The following CTNND2 variants were observed in gnomAD, a reference collection of about 807,000 sequenced individuals.
CTNND2 encodes catenin delta-2.
CTNND2 carries 22 observed loss-of-function variants against 144.4 expected under a neutral mutation model. The observed-to-expected ratio is 0.15, with a 90% CI of 0.11 to 0.22. CTNND2 has a LOEUF of 0.22. Among genes scored for constraint, CTNND2 ranks in the 10% least tolerant of loss-of-function variants. The pLI, the probability that CTNND2 is intolerant of heterozygous loss-of-function variation, is 1.00. For missense variants in CTNND2, 1,353 were observed against 1,618.8 expected (o/e 0.84, Z 2.82); for synonymous variants, 751 against 695.6 (o/e 1.08, Z -1.25).
intron 9 of CTNND2, among the ~76,000 whole-genome samples, chr5:11,284,152 C>A (rs934886225): frequency 6.6e-6 from 1 of 152,216 alleles, no homozygotes. Context: ...GTGAATTCTT[C>A]AGCCACATGG....
chr5:10,982,688 A>G (rs1226681276), intron 20 of CTNND2, among the ~76,000 whole-genome samples: 1 of 152,256 alleles, frequency 6.6e-6, no homozygotes, highest in African/African-American at 2.4e-5. Context: ...ATCAAAAGAT[A>G]TCTGCATTCC....
At chr5:10,974,249 T>C (rs1047627807) in intron 21 of CTNND2, among the ~76,000 whole-genome samples, 6 of 152,248 alleles carry the variant, frequency 3.9e-5, no homozygotes, top group Non-Finnish European at 8.8e-5. Flanking sequence ...ATCCATGGTG[T>C]TGCACATGGC....
At chr5:11,624,840 C>T (rs550419037) in intron 2 of CTNND2, among the ~76,000 whole-genome samples, 68 of 152,132 alleles carry the variant, frequency 4.5e-4, no homozygotes, top group African/African-American at 1.4e-3. Flanking sequence ...TAAAACTGTA[C>T]CTACCTATAC....
At chr5:11,508,459 C>T (rs562767338) in intron 3 of CTNND2, 8 of 152,130 alleles carry the variant, frequency 5.3e-5, no homozygotes, top group South Asian at 2.1e-4. Context: ...ATAATGCAAA[C>T]GAGAAAATTC....
intron 11 of CTNND2, among the ~76,000 whole-genome samples, chr5:11,164,122 TC>T (rs1376207843): frequency 6.6e-6 from 1 of 152,102 alleles, no homozygotes; most frequent in Non-Finnish European, 1.5e-5. Context: ...TCATCATATC[TC>T]CTTCCTGGAC....
At chr5:11,510,930 C>CA (rs58275679) in intron 3 of CTNND2, among the ~76,000 whole-genome samples, 1,645 of 144,092 alleles carry the variant, frequency 0.011, 20 homozygotes, top group African/African-American at 0.026. Flanking sequence ...GACTCTATCT[C>CA]AAAAAAAAAA....
intron 11 of CTNND2, among the ~76,000 whole-genome samples, chr5:11,172,309 A>G (rs1760014108): frequency 6.6e-6 from 1 of 152,214 alleles, no homozygotes; most frequent in Admixed American, 6.5e-5. Flanking sequence ...GAAACAGGAA[A>G]AAAAACTCTA....
intron 2 of CTNND2, among the ~76,000 whole-genome samples, chr5:11,656,983 C>T (rs943695259): frequency 6.6e-6 from 1 of 152,072 alleles, no homozygotes; most frequent in African/African-American, 2.4e-5. Context: ...TCAGTTAGGG[C>T]TGTTGTCTGA....
intron 3 of CTNND2, among the ~76,000 whole-genome samples, chr5:11,560,565 G>A (rs1387235759): frequency 6.6e-6 from 1 of 152,176 alleles, no homozygotes; most frequent in African/African-American, 2.4e-5. Context: ...AATATTCTGT[G>A]GTAGGGCACT....
chr5:11,747,476 A>G (rs1042226188), intron 1 of CTNND2, among the ~76,000 whole-genome samples: 1 of 152,318 alleles, frequency 6.6e-6, no homozygotes, highest in Admixed American at 6.5e-5. Context: ...TGTCCAGAAT[A>G]CACTGTCACT....
chr5:11,386,426 C>A (rs1581083071), intron 6 of CTNND2, among the ~76,000 whole-genome samples: 1 of 152,190 alleles, frequency 6.6e-6, no homozygotes, highest in Admixed American at 6.5e-5. Context: ...TCTGGAATGG[C>A]AATTGGCAAA....
chr5:11,309,369 G>A (rs1159952658), intron 9 of CTNND2, among the ~76,000 whole-genome samples: 9 of 152,210 alleles, frequency 5.9e-5, no homozygotes, highest in African/African-American at 2.2e-4. Flanking sequence ...GTATCAGTGT[G>A]GCCTGCATGT....
intron 12 of CTNND2, among the ~76,000 whole-genome samples, chr5:11,157,937 G>T (rs981322977): frequency 1.3e-5 from 2 of 152,112 alleles, no homozygotes; most frequent in African/African-American, 2.4e-5. Context: ...AACTTAGCCA[G>T]ATGATGTGTA....
chr5:11,688,977 G>T (rs368679019), intron 2 of CTNND2, among the ~76,000 whole-genome samples: 14 of 152,318 alleles, frequency 9.2e-5, no homozygotes, highest in African/African-American at 3.4e-4. Flanking sequence ...AAGAGGTGCT[G>T]CCAAGAGACA....
chr5:11,507,718 C>T (rs1771198826), intron 3 of CTNND2, among the ~76,000 whole-genome samples: 1 of 152,140 alleles, frequency 6.6e-6, no homozygotes, highest in South Asian at 2.1e-4. Flanking sequence ...GGGTCCTGTC[C>T]CACAGCCTGG....
intron 9 of CTNND2, among the ~76,000 whole-genome samples, chr5:11,281,603 TG>T (rs1747124474): frequency 6.6e-6 from 1 of 152,244 alleles, no homozygotes; most frequent in Non-Finnish European, 1.5e-5. Flanking sequence ...AACATAGATT[TG>T]TTTCCTCACA....
At chr5:10,987,717 C>T (rs1001358472) in intron 20 of CTNND2, among the ~76,000 whole-genome samples, 1 of 141,590 alleles carries the variant, frequency 7.1e-6, no homozygotes, top group East Asian at 2.2e-4. Context: ...CTCCCCTCCC[C>T]TCCCCTTCCA....
At chr5:11,315,576 C>T (rs1282419215) in intron 9 of CTNND2, among the ~76,000 whole-genome samples, 1 of 152,120 alleles carries the variant, frequency 6.6e-6, no homozygotes, top group African/African-American at 2.4e-5. Context: ...TTATGTTAAA[C>T]ACAAAACTGA....
intron 2 of CTNND2, among the ~76,000 whole-genome samples, chr5:11,579,015 G>A (rs7700679): frequency 4.6e-5 from 7 of 152,106 alleles, no homozygotes; most frequent in African/African-American, 1.4e-4. Context: ...ACAATACTGC[G>A]CATTCAATTA....
Sources: gnomAD v4.1 joint callset for allele counts (sites outside exome capture counted in the v4.1 genomes callset) on GRCh38, gnomAD v4.1.1 for gene constraint, MANE v1.5 for transcripts, NCBI Gene and HGNC (gene_info 2026-07-23, HGNC 2026-07-21) for gene names.